Variants in NSMCE2 observed in about 807,000 individuals in gnomAD.
The protein encoded by NSMCE2 is NSE2 SUMO ligase component of SMC5/6 complex.
Under a neutral mutation model 23.8 loss-of-function variants are expected in NSMCE2, and 24 were observed. The observed-to-expected ratio is 1.01, with a 90% CI of 0.73 to 1.42. NSMCE2 has a LOEUF of 1.42. NSMCE2 is among the 40% of genes most tolerant of loss of function. The pLI, the probability that NSMCE2 is intolerant of heterozygous loss-of-function variation, is 0.00. For missense variants in NSMCE2, 284 were observed against 296.5 expected, an observed-to-expected ratio of 0.96 and a Z score of 0.31; for synonymous variants, 92 against 94.1, an observed-to-expected ratio of 0.98 and a Z score of 0.13.
chr8:125,149,217 G>T (rs1820855209), intron 3 of NSMCE2, among the ~76,000 whole-genome samples: 1 of 152,092 alleles, frequency 6.6e-6, no homozygotes. Flanking sequence ...TGAGATATTT[G>T]TGTATTCTTT....
At chr8:125,172,873 C>G (rs1478455622) in intron 4 of NSMCE2, among the ~76,000 whole-genome samples, 1 of 152,264 alleles carries the variant, frequency 6.6e-6, no homozygotes, top group Middle Eastern at 3.4e-3. Flanking sequence ...AGATTTTTAT[C>G]TGTAGATTTT....
chr8:125,095,929 A>G (rs1817908371), intron 1 of NSMCE2, among the ~76,000 whole-genome samples: 3 of 151,784 alleles, frequency 2.0e-5, no homozygotes, highest in Admixed American at 1.3e-4. Flanking sequence ...CTGGAATTAT[A>G]TCATTTGGTC....
chr8:125,289,882 TTTTG>T (rs1828041662), intron 5 of NSMCE2, among the ~76,000 whole-genome samples: 1 of 152,224 alleles, frequency 6.6e-6, no homozygotes, highest in South Asian at 2.1e-4. Flanking sequence ...ATCAAAGCCT[TTTTG>T]TTTATGAGTA....
intron 5 of NSMCE2, among the ~76,000 whole-genome samples, chr8:125,322,826 A>G (rs143208899): frequency 6.6e-6 from 1 of 152,270 alleles, no homozygotes; most frequent in Non-Finnish European, 1.5e-5. Flanking sequence ...GAATTTAAAA[A>G]TTTTAAATGC....
At chr8:125,264,579 G>A (rs1826837356) in intron 5 of NSMCE2, among the ~76,000 whole-genome samples, 1 of 152,120 alleles carries the variant, frequency 6.6e-6, no homozygotes, top group Non-Finnish European at 1.5e-5. Context: ...GCTAATTTTT[G>A]TATTTTTAGT....
At chr8:125,099,784 A>G (rs1475873462) in intron 1 of NSMCE2, among the ~76,000 whole-genome samples, 2 of 152,280 alleles carry the variant, frequency 1.3e-5, no homozygotes, top group East Asian at 3.9e-4. Flanking sequence ...AAATGTATAC[A>G]AATCTACAGA....
At chr8:125,122,686 C>G (rs941913099) in intron 3 of NSMCE2, among the ~76,000 whole-genome samples, 3 of 152,154 alleles carry the variant, frequency 2.0e-5, no homozygotes, top group Non-Finnish European at 2.9e-5. Context: ...TTGGGTTCCT[C>G]TTTGTTTGTT....
intron 5 of NSMCE2, among the ~76,000 whole-genome samples, chr8:125,269,935 C>T (rs1055740605): frequency 3.9e-5 from 6 of 152,156 alleles, no homozygotes; most frequent in African/African-American, 1.4e-4. Context: ...TTATTGATTA[C>T]GTATGTACTT....
At chr8:125,357,184 C>A in intron 5 of NSMCE2, 35 bp from the exon 6 acceptor site, 1 of 1,337,654 alleles carries the variant, frequency 7.5e-7, no homozygotes, top group Non-Finnish European at 1.1e-6. Context: ...TGACGTTAGA[C>A]CAGAGAGGCT....
At chr8:125,322,799 T>C (rs896663262) in intron 5 of NSMCE2, among the ~76,000 whole-genome samples, 1 of 152,266 alleles carries the variant, frequency 6.6e-6, no homozygotes. Flanking sequence ...TATATTCCTA[T>C]ATACTAGCAA....
intron 5 of NSMCE2, among the ~76,000 whole-genome samples, chr8:125,203,476 A>G (rs16900427): frequency 0.022 from 3,297 of 152,186 alleles, 127 homozygotes; most frequent in African/African-American, 0.076. Flanking sequence ...GCTTCATCCT[A>G]CCCCTACCTT....
intron 5 of NSMCE2, among the ~76,000 whole-genome samples, chr8:125,343,480 A>G (rs1465240153): frequency 1.3e-5 from 2 of 152,066 alleles, no homozygotes; most frequent in African/African-American, 4.8e-5. Flanking sequence ...ATATAAATTT[A>G]AAGTATGAAT....
At chr8:125,130,286 A>G (rs528423763) in intron 3 of NSMCE2, 19 of 455,968 alleles carry the variant, frequency 4.2e-5, no homozygotes, top group Non-Finnish European at 7.1e-5. Flanking sequence ...CAAGTCATCA[A>G]CATGACCAGT....
intron 5 of NSMCE2, among the ~76,000 whole-genome samples, chr8:125,267,453 C>G (rs1826974237): frequency 6.6e-6 from 1 of 152,186 alleles, no homozygotes; most frequent in South Asian, 2.1e-4. Context: ...GCTAGACAGT[C>G]AGGACCAAAC....
chr8:125,267,027 C>CA (rs1317001880), intron 5 of NSMCE2, among the ~76,000 whole-genome samples: 4 of 98,770 alleles, frequency 4.0e-5, no homozygotes, highest in African/African-American at 1.1e-4. Context: ...TTTTTTGAGA[C>CA]AGAGTCTTGC....
At chr8:125,103,254 C>G (rs915265289) in intron 3 of NSMCE2, among the ~76,000 whole-genome samples, 1 of 151,394 alleles carries the variant, frequency 6.6e-6, no homozygotes, top group African/African-American at 2.4e-5. Context: ...TGCAGTGAGT[C>G]GAGACCGAGC....
intron 5 of NSMCE2, among the ~76,000 whole-genome samples, chr8:125,219,928 C>T (rs1281632433): frequency 6.6e-6 from 1 of 152,194 alleles, no homozygotes; most frequent in Non-Finnish European, 1.5e-5. Context: ...TTCTTCTTTC[C>T]TAATACAGTG....
chr8:125,341,400 C>T (rs1586795545), intron 5 of NSMCE2, among the ~76,000 whole-genome samples: 1 of 152,102 alleles, frequency 6.6e-6, no homozygotes, highest in Admixed American at 6.5e-5. Flanking sequence ...TTCTTGCTTC[C>T]TCTGTTTTGT....
chr8:125,147,711 TG>T (rs1358663443), intron 3 of NSMCE2, among the ~76,000 whole-genome samples: 2 of 152,162 alleles, frequency 1.3e-5, no homozygotes, highest in African/African-American at 4.8e-5. Flanking sequence ...AGCCTCTGCC[TG>T]ATCAGTACCT....
Sources: allele counts gnomAD v4.1 joint callset (sites outside exome capture counted in the v4.1 genomes callset), GRCh38; gene constraint gnomAD v4.1.1; transcripts MANE v1.5; gene names NCBI Gene and HGNC (gene_info 2026-07-23, HGNC 2026-07-21).